BRWD1: variants seen among roughly 807,000 people sequenced by gnomAD.
The protein encoded by BRWD1 is bromodomain and WD repeat domain containing 1, also known as bromodomain and WD repeat-containing protein 1.
In BRWD1, 82 loss-of-function variants were observed where a neutral mutation model predicts 251.2. The ratio of observed to expected loss-of-function variants is 0.33; its 90% CI spans 0.27 to 0.39. BRWD1 has a LOEUF of 0.39. Ranked by LOEUF, BRWD1 falls within the 10% of genes least tolerant of loss-of-function variation. The pLI is 1.00. For synonymous variants in BRWD1, 918 were observed against 902.8 expected (o/e 1.02, Z -0.30); for missense variants, 2,233 against 2,711.6 (o/e 0.82, Z 3.92).
chr21:39,206,577 C>T lies in BRWD1; in HGVS notation c.4198-303G>A, dbSNP rs1036744868. 6.6e-5 allele frequency among the ~76,000 whole-genome samples: 10 copies of T among 152,236 alleles called. No homozygotes were observed. The East Asian group carries it at 1.9e-3, about 29-fold the overall frequency. On this transcript the variant is annotated intron_variant, in intron 36 of 40. Transcript: ENST00000342449. ...TATTCTAACATCTGTATGTACAAAC[C>T]CCAAAATATACCCTTCTCCCAAAGT...
chr21:39,266,424 T>A (rs1173450263), intron 15 of BRWD1, among the ~76,000 whole-genome samples: 1 of 152,316 alleles, frequency 6.6e-6, no homozygotes, highest in Non-Finnish European at 1.5e-5. Flanking sequence ...ATGTACCATT[T>A]TGCATCCCTG....
chr21:39,305,969 C>T (rs1285848912), intron 4 of BRWD1, among the ~76,000 whole-genome samples: 2 of 151,762 alleles, frequency 1.3e-5, no homozygotes, highest in Admixed American at 6.6e-5. Context: ...AGGAGTTTGA[C>T]GCTGCAGTGA....
Position 39,187,716 on chromosome 21 carries a change from T to C in BRWD1, c.*8543A>G. On this transcript the variant is annotated 3_prime_UTR_variant, in exon 41 of 41. Transcript: ENST00000342449. ...TAATCTAAAAACATATATATGAGCATTTTACATAATTTGAATTACTAAATC... is the reference window on the plus strand; with the variant it reads ...TAATCTAAAAACATATATATGAGCACTTTACATAATTTGAATTACTAAATC... The C allele has an allele frequency of 1.0e-6, 1 of 985,198 alleles. No individual in the cohort carries two copies. The allele number at this position is 985,198 out of a possible 1,614,324, so 61.0% of individuals were successfully genotyped here. A position where few individuals can be genotyped will look rare whatever the true frequency, so the allele number is the denominator to read the frequency against.
chr21:39,312,252 C>T (rs1287241427), intron 4 of BRWD1, among the ~76,000 whole-genome samples: 1 of 151,426 alleles, frequency 6.6e-6, no homozygotes, highest in Non-Finnish European at 1.5e-5. Context: ...TGAAACTCAT[C>T]AATCAACTAC....
In BRWD1 at chr21:39,247,781, T is replaced by C; in HGVS notation, c.2401A>G (p.Lys801Glu). 6.2e-7 allele frequency: 1 copy of C among 1,613,618 alleles called. No individual in the cohort carries two copies. The highest frequency in any genetic ancestry group is 8.5e-7 in the Non-Finnish European group (1 of 1,179,798). The change falls in exon 21 of 41, where the codon AAA becomes GAA. Residue 801 changes from lysine (K) to glutamate (E), a missense_variant. Physicochemically the swap from Lys to Glu is moderately conservative, Grantham distance 56. Transcript: ENST00000342449. Reference sequence around the variant, plus strand: ...TTTCTTCTACCATAATTTGGATATTTACGCCTACATGTCCTTTGTCTAGAC... The same window carrying C: ...TTTCTTCTACCATAATTTGGATATTCACGCCTACATGTCCTTTGTCTAGAC... ...SQSRQRTCRR[K>E]YPNYGRRNRS...
chr21:39,245,681 C>T (rs2034163004), intron 21 of BRWD1, among the ~76,000 whole-genome samples: 2 of 150,280 alleles, frequency 1.3e-5, no homozygotes, highest in African/African-American at 4.9e-5. Context: ...CTCACTGCAA[C>T]ATCCACCTCC....
Position 39,312,875 on chromosome 21 carries a change from T to A in BRWD1, c.164A>T (p.Glu55Val). Reference sequence around the variant, plus strand: ...GTAGCTCCTGTTGTGCTCGTTGCCCTCCCAGTCCAATCTCTTCGGCAACAA... The same window carrying A: ...GTAGCTCCTGTTGTGCTCGTTGCCCACCCAGTCCAATCTCTTCGGCAACAA... The part of the protein sequence containing the change: ...YQLLPKRLDW[E>V]GNEHNRSYEE... Residue 55 changes from glutamate (E) to valine (V), a missense_variant, in exon 4 of 41, where the codon GAG (glutamate) becomes GTG (valine). This residue lies in a region of BRWD1 where 101 missense variants were observed against 95.6 expected (regional missense o/e 1.06). Transcript: ENST00000342449. 1 of 1,521,294 alleles carries A rather than the reference T, an allele frequency of 6.6e-7. No individual in the cohort carries two copies. Among genetic ancestry groups the A allele is most frequent in the Non-Finnish European group, 8.8e-7 (1 of 1,134,544 alleles). 94.2% of individuals were successfully genotyped at this position (1,521,294 alleles called of 1,614,324 possible).
Position 39,188,595 on chromosome 21 carries a change from G to C in BRWD1, c.*7664C>G. 1.0e-6 allele frequency: 1 copy of C among 985,374 alleles called. No homozygotes were observed. 61.0% of individuals were successfully genotyped at this position (985,374 alleles called of 1,614,324 possible). ...GCTGACTGAAGGGCAGATGAGTACAGGTAAAAACTGCTTCTGTGGACTGAC... is the reference window on the plus strand; with the variant it reads ...GCTGACTGAAGGGCAGATGAGTACACGTAAAAACTGCTTCTGTGGACTGAC... On this transcript the variant is annotated 3_prime_UTR_variant, in exon 41 of 41. Coordinates refer to ENST00000342449, the MANE Select transcript of BRWD1 (RefSeq NM_033656.4).
At chr21:39,200,831 A>C (rs968639376) in intron 38 of BRWD1, among the ~76,000 whole-genome samples, 6 of 152,148 alleles carry the variant, frequency 3.9e-5, no homozygotes, top group African/African-American at 1.4e-4. Context: ...CTGAAAATAC[A>C]AAATTAGCCA....
chr21:39,295,116 A>G (rs945085519), intron 7 of BRWD1, among the ~76,000 whole-genome samples: 14 of 151,036 alleles, frequency 9.3e-5, no homozygotes, highest in African/African-American at 3.4e-4. Flanking sequence ...TTTAATTACA[A>G]TGTAATCTAA....
chr21:39,223,887 G>A (rs1167132340), intron 29 of BRWD1, among the ~76,000 whole-genome samples: 6 of 152,254 alleles, frequency 3.9e-5, no homozygotes, highest in Non-Finnish European at 7.4e-5. Context: ...TCTCGCTGTC[G>A]CCTAGGCTGG....
intron 17 of BRWD1, among the ~76,000 whole-genome samples, chr21:39,262,351 C>G (rs1324804611): frequency 6.6e-6 from 1 of 152,146 alleles, no homozygotes; most frequent in East Asian, 1.9e-4. Context: ...CAGGAACAAA[C>G]TACTGATACA....
chr21:39,243,868 G>A (rs1224912291), intron 21 of BRWD1, among the ~76,000 whole-genome samples: 3 of 152,152 alleles, frequency 2.0e-5, no homozygotes, highest in South Asian at 2.1e-4. Flanking sequence ...ACATACAGGA[G>A]AGTGATAACA....
intron 32 of BRWD1, among the ~76,000 whole-genome samples, chr21:39,214,102 C>A (rs116267001): frequency 0.015 from 2,318 of 152,036 alleles, 58 homozygotes; most frequent in African/African-American, 0.053. Context: ...AGGTAACTTA[C>A]GTATGAGTCT....
chr21:39,248,191 C>T (rs973484776), intron 20 of BRWD1, among the ~76,000 whole-genome samples: 1 of 152,172 alleles, frequency 6.6e-6, no homozygotes, highest in African/African-American at 2.4e-5. Flanking sequence ...TAAGCAACTT[C>T]TCAAGGAATT....
chr21:39,241,671 C>T (rs896651763), intron 21 of BRWD1, among the ~76,000 whole-genome samples: 2 of 151,974 alleles, frequency 1.3e-5, no homozygotes, highest in African/African-American at 4.8e-5. Context: ...AATATGTATA[C>T]ACAGGCATAC....
chr21:39,236,528 A>G (rs2033816672), intron 23 of BRWD1, 67 bp downstream of exon 23: 2 of 1,339,772 alleles, frequency 1.5e-6, no homozygotes, highest in Admixed American at 2.4e-5. Context: ...TGTTAAAACA[A>G]CATTTGAAAT....
At position 39,190,952 on chromosome 21, in the gene BRWD1, A is replaced by G; in HGVS notation, c.*5307T>C. On this transcript the variant is annotated 3_prime_UTR_variant, in exon 41 of 41. Coordinates refer to ENST00000342449, the MANE Select transcript of BRWD1 (RefSeq NM_033656.4). ...ACTACAACTAATCTAGCTCATCACAATACAGTTTTCTCTCACCCCTAGAAA... is the reference window on the plus strand; with the variant it reads ...ACTACAACTAATCTAGCTCATCACAGTACAGTTTTCTCTCACCCCTAGAAA... 1 of 985,286 alleles carries G rather than the reference A, an allele frequency of 1.0e-6. No homozygotes were observed. Among genetic ancestry groups the G allele is most frequent in the Non-Finnish European group, 1.2e-6 (1 of 829,856 alleles). 61.0% of individuals were successfully genotyped at this position (985,286 alleles called of 1,614,324 possible). A position where few individuals can be genotyped will look rare whatever the true frequency, so the allele number is the denominator to read the frequency against.
intron 29 of BRWD1, among the ~76,000 whole-genome samples, chr21:39,223,242 A>G (rs1215640164): frequency 3.3e-5 from 5 of 152,200 alleles, no homozygotes. Flanking sequence ...AGGTATTCAG[A>G]AAATCCTTGT....
Sources: gnomAD v4.1 joint callset for allele counts (sites outside exome capture counted in the v4.1 genomes callset) on GRCh38, gnomAD v4.1.1 for gene constraint, gnomAD v4.1.1 regional missense constraint, MANE v1.5 for transcripts, NCBI Gene and HGNC (gene_info 2026-07-23, HGNC 2026-07-21) for gene names.